Variants in NALF1 observed in about 807,000 individuals in gnomAD.
The protein encoded by NALF1 is family with sequence similarity 155 member A.
Under a neutral mutation model 48.4 loss-of-function variants are expected in NALF1, and 3 were observed. That is an observed-to-expected ratio of 0.06 (90% CI 0.03 to 0.16). NALF1 has a LOEUF of 0.16. Among genes scored for constraint, NALF1 ranks in the 10% least tolerant of loss-of-function variants. The pLI, the probability that NALF1 is intolerant of heterozygous loss-of-function variation, is 1.00. For synonymous variants in NALF1, 262 were observed against 245.7 expected (o/e 1.07, Z -0.62); for missense variants, 526 against 571.5 (o/e 0.92, Z 0.81).
At chr13:107,571,496 CTGGGTAGA>C (rs372333966) in intron 1 of NALF1, among the ~76,000 whole-genome samples, 2 of 152,242 alleles carry the variant, frequency 1.3e-5, no homozygotes, top group South Asian at 4.1e-4. Context: ...AGTGGTACGT[CTGGGTAGA>C]TGGGAGCTCC....
At chr13:107,192,395 G>C (rs1016563961) in intron 2 of NALF1, among the ~76,000 whole-genome samples, 7 of 152,068 alleles carry the variant, frequency 4.6e-5, no homozygotes, top group Admixed American at 2.6e-4. Flanking sequence ...AGTTGCGACC[G>C]CGGCCCTGAC....
intron 1 of NALF1, among the ~76,000 whole-genome samples, chr13:107,233,073 T>C (rs1450310224): frequency 2.6e-5 from 4 of 152,102 alleles, no homozygotes; most frequent in Non-Finnish European, 5.9e-5. Context: ...GGGAAGTGTT[T>C]TGGGTTGAAG....
intron 1 of NALF1, among the ~76,000 whole-genome samples, chr13:107,775,886 A>T (rs1474149167): frequency 6.6e-6 from 1 of 152,248 alleles, no homozygotes; most frequent in Non-Finnish European, 1.5e-5. Context: ...TAGTTAGGAA[A>T]TGACCAAGCT....
At chr13:107,776,224 C>T (rs1374308356) in intron 1 of NALF1, among the ~76,000 whole-genome samples, 1 of 152,160 alleles carries the variant, frequency 6.6e-6, no homozygotes, top group Non-Finnish European at 1.5e-5. Context: ...ATTGTCTCAG[C>T]TATGGAGTCA....
intron 1 of NALF1, among the ~76,000 whole-genome samples, chr13:107,316,453 G>A (rs1444561199): frequency 6.6e-6 from 1 of 152,158 alleles, no homozygotes; most frequent in African/African-American, 2.4e-5. Context: ...TCTCGTTCTA[G>A]ATCCCTGAGG....
intron 1 of NALF1, among the ~76,000 whole-genome samples, chr13:107,498,310 A>G (rs1229814662): frequency 1.3e-5 from 2 of 152,142 alleles, no homozygotes; most frequent in Non-Finnish European, 2.9e-5. Context: ...TGATAGGTCC[A>G]TGACAGGCTA....
intron 1 of NALF1, among the ~76,000 whole-genome samples, chr13:107,540,039 G>A (rs1358327023): frequency 1.0e-5 from 1 of 96,858 alleles, no homozygotes; most frequent in Non-Finnish European, 2.1e-5. Context: ...ATACCCATCA[G>A]CTTCTGATGT....
intron 1 of NALF1, among the ~76,000 whole-genome samples, chr13:107,711,604 A>G (rs1875594488): frequency 6.6e-6 from 1 of 152,222 alleles, no homozygotes; most frequent in African/African-American, 2.4e-5. Flanking sequence ...TTGCAAAGGA[A>G]GAACCAGTCA....
chr13:107,251,307 A>G (rs1880695423), intron 1 of NALF1, among the ~76,000 whole-genome samples: 1 of 152,192 alleles, frequency 6.6e-6, no homozygotes, highest in South Asian at 2.1e-4. Context: ...GAAAGCACAA[A>G]CTCAGAAAGT....
intron 1 of NALF1, among the ~76,000 whole-genome samples, chr13:107,415,134 A>AT (rs1491238605): frequency 1.3e-5 from 2 of 152,202 alleles, no homozygotes; most frequent in East Asian, 3.8e-4. Context: ...ACTTGACATA[A>AT]TTTTTAAACT....
intron 1 of NALF1, among the ~76,000 whole-genome samples, chr13:107,401,472 T>C (rs981336861): frequency 2.6e-5 from 4 of 152,208 alleles, no homozygotes; most frequent in African/African-American, 4.8e-5. Context: ...CCACTAGTAA[T>C]GATGCTGCCT....
At chr13:107,671,386 G>A (rs907689082) in intron 1 of NALF1, among the ~76,000 whole-genome samples, 1 of 152,016 alleles carries the variant, frequency 6.6e-6, no homozygotes, top group African/African-American at 2.4e-5. Context: ...CAAAGTTGGG[G>A]CTGGGACAAC....
chr13:107,546,282 C>T (rs1187789059), intron 1 of NALF1, among the ~76,000 whole-genome samples: 2 of 152,152 alleles, frequency 1.3e-5, no homozygotes, highest in African/African-American at 4.8e-5. Context: ...TAACACACAC[C>T]TACTGCATTT....
chr13:107,612,678 G>A (rs1165333628), intron 1 of NALF1, among the ~76,000 whole-genome samples: 1 of 152,096 alleles, frequency 6.6e-6, no homozygotes, highest in Non-Finnish European at 1.5e-5. Flanking sequence ...ACACAGGCGG[G>A]TATACTGGCA....
At chr13:107,716,561 A>T (rs76886277) in intron 1 of NALF1, among the ~76,000 whole-genome samples, 1 of 152,206 alleles carries the variant, frequency 6.6e-6, no homozygotes, top group South Asian at 2.1e-4. Flanking sequence ...CTGTCCATGT[A>T]GGCAGGTGAC....
At chr13:107,195,843 A>G (rs1374050816) in intron 2 of NALF1, among the ~76,000 whole-genome samples, 1 of 152,230 alleles carries the variant, frequency 6.6e-6, no homozygotes, top group Non-Finnish European at 1.5e-5. Flanking sequence ...CACCACATTT[A>G]TTCTTACAAT....
intron 1 of NALF1, among the ~76,000 whole-genome samples, chr13:107,407,631 G>A (rs1883921991): frequency 6.6e-6 from 1 of 152,090 alleles, no homozygotes; most frequent in South Asian, 2.1e-4. Flanking sequence ...AGGATGTGGA[G>A]AAAAGGGAAC....
intron 1 of NALF1, among the ~76,000 whole-genome samples, chr13:107,460,460 C>T (rs1334250646): frequency 6.6e-6 from 1 of 152,208 alleles, no homozygotes; most frequent in Non-Finnish European, 1.5e-5. Flanking sequence ...AGTAGATGTG[C>T]TCAGTCCCAA....
intron 1 of NALF1, among the ~76,000 whole-genome samples, chr13:107,360,154 C>T (rs1883036035): frequency 6.6e-6 from 1 of 152,094 alleles, no homozygotes; most frequent in Admixed American, 6.6e-5. Flanking sequence ...AATGTAGGCA[C>T]TTGTATGCTT....
Sources: gnomAD v4.1 joint callset for allele counts (sites outside exome capture counted in the v4.1 genomes callset) on GRCh38, gnomAD v4.1.1 for gene constraint, MANE v1.5 for transcripts, NCBI Gene and HGNC (gene_info 2026-07-23, HGNC 2026-07-21) for gene names.